CADPS: variants seen among roughly 807,000 people sequenced by gnomAD.
CADPS encodes the protein calcium dependent secretion activator.
Under a neutral mutation model 167.3 loss-of-function variants are expected in CADPS, and 57 were observed. That is an observed-to-expected ratio of 0.34 (90% CI 0.28 to 0.42). The LOEUF (loss-of-function observed/expected upper bound fraction) is 0.42, where lower values mean the gene tolerates loss of function less well. CADPS is among the 20% of genes least tolerant of loss of function. CADPS has a pLI of 1.00. For synonymous variants in CADPS, 676 were observed against 635.3 expected (o/e 1.06, Z -0.96); for missense variants, 1,414 against 1,738.1 (o/e 0.81, Z 3.32).
chr3:62,424,985 G>A (rs566415072), intron 28 of CADPS, among the ~76,000 whole-genome samples: 41 of 152,276 alleles, frequency 2.7e-4, no homozygotes, highest in Non-Finnish European at 5.0e-4. Context: ...TGCTCTCAGA[G>A]GTGGGGATGA....
chr3:62,766,601 C>T (rs1053230072), intron 1 of CADPS, among the ~76,000 whole-genome samples: 5 of 152,294 alleles, frequency 3.3e-5, no homozygotes, highest in African/African-American at 1.2e-4. Flanking sequence ...GATCACATGA[C>T]AGATGATGTT....
At chr3:62,863,005 C>A (rs554644428) in intron 1 of CADPS, among the ~76,000 whole-genome samples, 2 of 152,220 alleles carry the variant, frequency 1.3e-5, no homozygotes, top group Non-Finnish European at 2.9e-5. Context: ...GGATAGGCTA[C>A]AAATTGTAGA....
rs1439270290 is a variant in CADPS, at chr3:62,465,175, A to G, written c.3636+192T>C. ...ACACATATTGTACCTTTACAAATGA[A>G]ATAGAAATGATGTTGGATTACCTGC... On this transcript the variant is annotated intron_variant, in intron 26 of 29. Coordinates refer to ENST00000383710, the MANE Select transcript of CADPS (RefSeq NM_003716.4). The surrounding 1 kb of genome is among the most constrained non-coding windows in gnomAD (Gnocchi z 4.1). Among the ~76,000 whole-genome samples, 1 of 152,198 alleles carries G rather than the reference A, an allele frequency of 6.6e-6. No individual in the cohort carries two copies. Among genetic ancestry groups the G allele is most frequent in the Non-Finnish European group, 1.5e-5 (1 of 68,036 alleles).
At chr3:62,510,314 A>G (rs1250873148) in intron 17 of CADPS, among the ~76,000 whole-genome samples, 1 of 152,070 alleles carries the variant, frequency 6.6e-6, no homozygotes, top group Non-Finnish European at 1.5e-5. Context: ...TCCTTGCCAT[A>G]TTTGGAGGAA....
intron 8 of CADPS, among the ~76,000 whole-genome samples, chr3:62,583,606 A>G (rs1005236156): frequency 4.6e-5 from 7 of 152,144 alleles, no homozygotes; most frequent in Non-Finnish European, 8.8e-5. Context: ...CAGGCTTGGC[A>G]TAATTTGGCC....
chr3:62,542,704 T>C (rs1320649289), intron 11 of CADPS, among the ~76,000 whole-genome samples: 3 of 152,146 alleles, frequency 2.0e-5, no homozygotes, highest in Non-Finnish European at 2.9e-5. Context: ...AAGGCTCACA[T>C]TGCATCATGC....
At chr3:62,622,362 G>T (rs1247025483) in intron 6 of CADPS, among the ~76,000 whole-genome samples, 1 of 152,094 alleles carries the variant, frequency 6.6e-6, no homozygotes, top group African/African-American at 2.4e-5. Context: ...ACATAGCATT[G>T]TTACTTGTTT....
intron 6 of CADPS, among the ~76,000 whole-genome samples, chr3:62,629,249 C>T (rs2064782852): frequency 6.6e-6 from 1 of 152,112 alleles, no homozygotes; most frequent in South Asian, 2.1e-4. Flanking sequence ...ACCAACAACC[C>T]CAAAAAGATC....
chr3:62,670,226 T>A (rs1204214088), intron 3 of CADPS, among the ~76,000 whole-genome samples: 2 of 152,128 alleles, frequency 1.3e-5, no homozygotes, highest in African/African-American at 4.8e-5. Flanking sequence ...TGTATATAAC[T>A]CTACTATTAT....
chr3:62,725,054 G>C (rs74339026), intron 3 of CADPS, among the ~76,000 whole-genome samples: 13,859 of 152,280 alleles, frequency 0.091, 674 homozygotes, highest in South Asian at 0.16. Flanking sequence ...AAGACTTCCA[G>C]TTTTCTGCCT....
intron 1 of CADPS, among the ~76,000 whole-genome samples, chr3:62,810,597 G>A (rs2094347794): frequency 6.6e-6 from 1 of 152,116 alleles, no homozygotes; most frequent in African/African-American, 2.4e-5. Context: ...GATAATCATT[G>A]AGAGAACAAA....
At position 62,491,391 on chromosome 3, in the gene CADPS, T is replaced by G; in HGVS notation, c.2974A>C (p.Ile992Leu). Residue 992 changes from isoleucine to leucine, a missense_variant, in exon 21 of 30, where the codon ATT (isoleucine) becomes CTT (leucine). This residue lies in a region of CADPS where 529 missense variants were observed against 629.6 expected (regional missense o/e 0.84). Transcript: ENST00000383710. Reference protein sequence around the residue: ...VRYVDLMESSIAQSIHRGFER... With the variant: ...VRYVDLMESSLAQSIHRGFER... ...AAGCCCCTGTGAATGGATTGTGCAATTGAGGACTCCATCAGATCCACATAT... is the reference window on the plus strand; with the variant it reads ...AAGCCCCTGTGAATGGATTGTGCAAGTGAGGACTCCATCAGATCCACATAT... 1 of 1,614,168 alleles carries G rather than the reference T, an allele frequency of 6.2e-7. No individual in the cohort carries two copies. Among genetic ancestry groups the G allele is most frequent in the Non-Finnish European group, 8.5e-7 (1 of 1,180,002 alleles).
At chr3:62,491,820 T>A (rs2063791289) in intron 20 of CADPS, among the ~76,000 whole-genome samples, 1 of 152,084 alleles carries the variant, frequency 6.6e-6, no homozygotes, top group Admixed American at 6.5e-5. Flanking sequence ...CCCATTAAGT[T>A]CCTAGGAAGA....
chr3:62,631,693 T>G (rs1218632804), intron 6 of CADPS, among the ~76,000 whole-genome samples: 1 of 152,182 alleles, frequency 6.6e-6, no homozygotes, highest in Non-Finnish European at 1.5e-5. Flanking sequence ...GATTGCTCAG[T>G]GAGACCAGGC....
At chr3:62,723,225 C>T (rs185455457) in intron 3 of CADPS, among the ~76,000 whole-genome samples, 19 of 152,078 alleles carry the variant, frequency 1.2e-4, no homozygotes, top group Admixed American at 9.8e-4. Context: ...AACCCAGCTG[C>T]GAGGAGGTAA....
At chr3:62,748,168 CAAAAAAAAAAAA>C (rs139568165) in intron 3 of CADPS, among the ~76,000 whole-genome samples, 1 of 63,198 alleles carries the variant, frequency 1.6e-5, no homozygotes, top group African/African-American at 7.1e-5. Context: ...ACTAAAATTA[CAAAAAAAAAAAA>C]AAAAAAAAAA....
At chr3:62,680,044 G>C (rs2076909499) in intron 3 of CADPS, among the ~76,000 whole-genome samples, 1 of 151,970 alleles carries the variant, frequency 6.6e-6, no homozygotes, top group African/African-American at 2.4e-5. Context: ...ACAGGCTATG[G>C]GGAGCCACTA....
chr3:62,654,727 T>C (rs1056560300), intron 4 of CADPS, among the ~76,000 whole-genome samples: 1 of 152,124 alleles, frequency 6.6e-6, no homozygotes, highest in African/African-American at 2.4e-5. Flanking sequence ...TGCCTCCTCA[T>C]ACTGGGGCCA....
chr3:62,662,228 A>G, intron 4 of CADPS, 86 bp downstream of exon 4: 1 of 1,146,086 alleles, frequency 8.7e-7, no homozygotes, highest in Non-Finnish European at 1.3e-6. Context: ...TCTCAGCTTT[A>G]TCCTTTAGAG....
Sources: gnomAD v4.1 joint callset for allele counts (sites outside exome capture counted in the v4.1 genomes callset) on GRCh38, gnomAD v4.1.1 for gene constraint, gnomAD v4.1.1 regional missense constraint, Gnocchi (gnomAD v3.1) non-coding constraint, MANE v1.5 for transcripts, NCBI Gene and HGNC (gene_info 2026-07-23, HGNC 2026-07-21) for gene names.